LAMB4: variants seen among roughly 807,000 people sequenced by gnomAD.
The protein encoded by LAMB4 is laminin subunit beta-4.
A neutral mutation model predicts 199.2 loss-of-function variants in LAMB4; 196 were observed. That is an observed-to-expected ratio of 0.98 (90% CI 0.88 to 1.11). The LOEUF (loss-of-function observed/expected upper bound fraction) is 1.11. Among genes scored for constraint, LAMB4 ranks in the 50% least tolerant of loss-of-function variants. LAMB4 has a pLI of 0.00. For synonymous variants in LAMB4, 744 were observed against 770.6 expected (o/e 0.97, Z 0.57); for missense variants, 2,080 against 2,171.2 (o/e 0.96, Z 0.83).
chr7:108,073,665 C>T (rs1396142742), intron 17 of LAMB4, among the ~76,000 whole-genome samples: 1 of 152,128 alleles, frequency 6.6e-6, no homozygotes, highest in Non-Finnish European at 1.5e-5. Context: ...GGGCTGCGTC[C>T]CAAGCAGTCA....
rs767325094 is a variant in LAMB4, at chr7:108,057,944, T to C, written c.3283-16A>G. ...GGCCTGTAAGCTGTGAGAACAGTCA[T>C]GGGTGAGGAATTGACAAGTTTTATG... is the stretch of plus-strand genomic sequence containing the variant. On this transcript the variant is annotated splice_polypyrimidine_tract_variant and intron_variant, in intron 23 of 33. Coordinates refer to ENST00000388781, the MANE Select transcript of LAMB4 (RefSeq NM_007356.3). The C allele has an allele frequency of 6.3e-7, 1 of 1,578,672 alleles. No individual in the cohort carries two copies. The highest frequency in any genetic ancestry group is 1.7e-5 in the Admixed American group (1 of 59,710).
Position 108,068,025 on chromosome 7 carries a change from C to T in LAMB4, c.2437G>A (p.Gly813Ser), listed in dbSNP as rs753820340. ...GTGTTTTGCTACGTACGGTGACAGC[C>T]GTGATGCCCCAAATCATAGCTTCCA... Reference protein sequence around the residue: ...STGSYDLGHHGCHPCHCHPQG... With the variant: ...STGSYDLGHHSCHPCHCHPQG... The change falls in exon 19 of 34, where the codon GGC becomes AGC. Residue 813 changes from glycine (G) to serine (S), a missense_variant. Transcript: ENST00000388781. The T allele has an allele frequency of 6.2e-6, 10 of 1,614,134 alleles. No homozygotes were observed. Among genetic ancestry groups the T allele is most frequent in the East Asian group, 2.2e-5 (1 of 44,886 alleles).
the LAMB4 span, among the ~76,000 whole-genome samples, chr7:108,016,107 T>C: frequency 6.6e-6 from 1 of 152,096 alleles, no homozygotes; most frequent in African/African-American, 2.4e-5. Flanking sequence ...GAAGTTGTCT[T>C]GGAAGAGGGT....
At chr7:108,077,547 A>T (rs1276761408) in intron 16 of LAMB4, among the ~76,000 whole-genome samples, 2 of 152,170 alleles carry the variant, frequency 1.3e-5, no homozygotes, top group Non-Finnish European at 1.5e-5. Flanking sequence ...ACAAAAAGTT[A>T]GCCAGGCGTG....
intron 23 of LAMB4, among the ~76,000 whole-genome samples, chr7:108,062,241 T>C (rs951289855): frequency 2.6e-5 from 4 of 152,346 alleles, no homozygotes; most frequent in South Asian, 2.1e-4. Context: ...TAGTTGTATA[T>C]GAAACATTGA....
chr7:108,034,507 A>G (rs1041427476), intron 30 of LAMB4, among the ~76,000 whole-genome samples, 161 bp from the exon 31 acceptor site: 1 of 152,238 alleles, frequency 6.6e-6, no homozygotes, highest in Admixed American at 6.5e-5. Flanking sequence ...TCATTTTGAG[A>G]AATAGGTATA....
At chr7:108,080,378 C>G (rs948793403) in intron 14 of LAMB4, among the ~76,000 whole-genome samples, 3 of 152,126 alleles carry the variant, frequency 2.0e-5, no homozygotes, top group African/African-American at 7.2e-5. Context: ...TCTTTAATTA[C>G]TTTTGCTTCT....
At chr7:108,084,535 T>G (rs565815977) in intron 14 of LAMB4, among the ~76,000 whole-genome samples, 1 of 152,348 alleles carries the variant, frequency 6.6e-6, no homozygotes, top group Admixed American at 6.5e-5. Flanking sequence ...GCATCATGTA[T>G]GTCTGCTTCC....
intron 31 of LAMB4, among the ~76,000 whole-genome samples, chr7:108,031,557 T>G (rs2035041937): frequency 6.6e-6 from 1 of 152,100 alleles, no homozygotes; most frequent in Non-Finnish European, 1.5e-5. Context: ...TCATTCCATG[T>G]ATCTCTATAG....
chr7:108,101,072 G>T (rs2037798520), intron 10 of LAMB4, among the ~76,000 whole-genome samples: 2 of 152,148 alleles, frequency 1.3e-5, no homozygotes, highest in South Asian at 4.1e-4. Flanking sequence ...TATATATTAT[G>T]ATTATATAAA....
At chr7:108,078,687 G>T (rs576156908) in intron 15 of LAMB4, among the ~76,000 whole-genome samples, 1 of 152,134 alleles carries the variant, frequency 6.6e-6, no homozygotes, top group Non-Finnish European at 1.5e-5. Context: ...CTATATACTG[G>T]GGAGATATGC....
chr7:108,021,255 C>A (rs372067581), downstream of LAMB4, among the ~76,000 whole-genome samples: 1 of 152,036 alleles, frequency 6.6e-6, no homozygotes, highest in East Asian at 1.9e-4. Flanking sequence ...AGCTGAAGTG[C>A]GGAAGAAGTG....
chr7:108,078,742 A>G (rs1394295663), intron 15 of LAMB4, among the ~76,000 whole-genome samples: 2 of 152,226 alleles, frequency 1.3e-5, no homozygotes, highest in African/African-American at 4.8e-5. Context: ...AAAGCTTTTT[A>G]AAGGTGTCAG....
intron 29 of LAMB4, among the ~76,000 whole-genome samples, chr7:108,038,825 C>T (rs1317549655): frequency 1.3e-5 from 2 of 152,176 alleles, no homozygotes; most frequent in Non-Finnish European, 2.9e-5. Context: ...TTAGTGAACA[C>T]CTACAATTCC....
chr7:108,120,068 G>A (rs964593763), intron 2 of LAMB4, among the ~76,000 whole-genome samples: 2 of 152,104 alleles, frequency 1.3e-5, no homozygotes, highest in East Asian at 1.9e-4. Flanking sequence ...CTTTATCCTT[G>A]AGACATGAAA....
intron 27 of LAMB4, among the ~76,000 whole-genome samples, chr7:108,048,322 G>A (rs1043794009): frequency 6.6e-6 from 1 of 151,744 alleles, no homozygotes; most frequent in East Asian, 1.9e-4. Context: ...CCACTACCAC[G>A]CCTGGCTAAT....
intron 1 of LAMB4, among the ~76,000 whole-genome samples, chr7:108,127,482 AT>A (rs921896626): frequency 9.2e-5 from 14 of 152,188 alleles, no homozygotes; most frequent in African/African-American, 3.4e-4. Flanking sequence ...CATGGACTTA[AT>A]AAGATAACCA....
intron 17 of LAMB4, among the ~76,000 whole-genome samples, chr7:108,071,345 G>GC (rs1172343911): frequency 3.4e-5 from 5 of 149,064 alleles, no homozygotes; most frequent in African/African-American, 1.0e-4. Flanking sequence ...TCTCTCATCA[G>GC]CACCCCCCTA....
At chr7:108,100,597 C>T (rs904731537) in intron 10 of LAMB4, among the ~76,000 whole-genome samples, 2 of 152,122 alleles carry the variant, frequency 1.3e-5, no homozygotes, top group African/African-American at 4.8e-5. Context: ...AAAGCACTAT[C>T]GAGTTAATAC....
Sources: gnomAD v4.1 joint callset for allele counts (sites outside exome capture counted in the v4.1 genomes callset) on GRCh38, gnomAD v4.1.1 for gene constraint, MANE v1.5 for transcripts, NCBI Gene and HGNC (gene_info 2026-07-23, HGNC 2026-07-21) for gene names.